Variants in TNFRSF1B observed in about 807,000 individuals in gnomAD.
TNFRSF1B encodes the protein tumor necrosis factor receptor superfamily member 1B.
A neutral mutation model predicts 44.6 loss-of-function variants in TNFRSF1B; 19 were observed. The ratio of observed to expected loss-of-function variants is 0.43; its 90% CI spans 0.30 to 0.62. TNFRSF1B has a LOEUF of 0.62. Ranked by LOEUF, TNFRSF1B falls within the 20% of genes least tolerant of loss-of-function variation. TNFRSF1B has a pLI of 0.16. For missense variants in TNFRSF1B, 541 were observed against 619.9 expected, an observed-to-expected ratio of 0.87 and a Z score of 1.35; for synonymous variants, 252 against 261.1, an observed-to-expected ratio of 0.97 and a Z score of 0.34.
intron 1 of TNFRSF1B, among the ~76,000 whole-genome samples, chr1:12,174,571 G>A (rs554674585): frequency 5.9e-4 from 90 of 152,308 alleles, no homozygotes; most frequent in African/African-American, 2.1e-3. Flanking sequence ...TGAAAAGTAG[G>A]AGGGGTTGGA....
chr1:12,205,788 A>ATT (rs3078840), intron 9 of TNFRSF1B, among the ~76,000 whole-genome samples: 10,079 of 147,572 alleles, frequency 0.068, 382 homozygotes, highest in African/African-American at 0.1. Context: ...TACCCGGCTA[A>ATT]TTTTTTTTTT....
chr1:12,202,898 T>A (rs752975720), intron 9 of TNFRSF1B, among the ~76,000 whole-genome samples: 1 of 152,198 alleles, frequency 6.6e-6, no homozygotes, highest in Non-Finnish European at 1.5e-5. Context: ...AATGAAGAAA[T>A]GGTGGCTCCA....
chr1:12,167,032 G>T lies in TNFRSF1B; in HGVS notation c.-60G>T. On this transcript the variant is annotated 5_prime_UTR_variant, in exon 1 of 10. Transcript: ENST00000376259. ...GCGCAGCGGAGCCTGGAGAGAAGGC[G>T]CTGGGCTGCGAGGGCGCGAGGGCGC... is the stretch of plus-strand genomic sequence containing the variant. The T allele has an allele frequency of 1.7e-6, 2 of 1,172,060 alleles. No homozygotes were observed. The highest frequency in any genetic ancestry group is 1.1e-6 in the Non-Finnish European group (1 of 921,828). The allele number at this position is 1,172,060 out of a possible 1,614,324, so 72.6% of individuals were successfully genotyped here.
rs766988651 is a variant in TNFRSF1B, at chr1:12,194,636, C to T, written c.900+18C>T. 1.2e-6 allele frequency: 2 copies of T among 1,613,756 alleles called. No homozygotes were observed. Among genetic ancestry groups the T allele is most frequent in the East Asian group, 2.2e-5 (1 of 44,896 alleles). On this transcript the variant is annotated intron_variant, in intron 8 of 9. Coordinates refer to ENST00000376259, the MANE Select transcript of TNFRSF1B (RefSeq NM_001066.3). Reference sequence around the variant, plus strand: ...CCAAGGTGGTGAGTGTCTCCACTGCCCTCTCCCCCTCTTCCCCTGGTCTCC... The same window carrying T: ...CCAAGGTGGTGAGTGTCTCCACTGCTCTCTCCCCCTCTTCCCCTGGTCTCC...
chr1:12,197,620 T>C (rs1256810150), intron 8 of TNFRSF1B, among the ~76,000 whole-genome samples: 1 of 152,154 alleles, frequency 6.6e-6, no homozygotes, highest in African/African-American at 2.4e-5. Context: ...ATTAGATCAT[T>C]AGGTGAGTGG....
chr1:12,203,277 C>T (rs1205532381), intron 9 of TNFRSF1B, among the ~76,000 whole-genome samples: 1 of 152,214 alleles, frequency 6.6e-6, no homozygotes, highest in African/African-American at 2.4e-5. Context: ...CTTGCCAGGG[C>T]TGGTGAGAGA....
chr1:12,169,292 C>T lies in TNFRSF1B; in HGVS notation c.78+2123C>T, dbSNP rs1638470278. On this transcript the variant is annotated intron_variant, in intron 1 of 9. Transcript: ENST00000376259. The surrounding 1 kb of genome is among the most constrained non-coding windows in gnomAD (Gnocchi z 4.5). The stretch of plus-strand genomic sequence containing the variant: ...TCCTCTTCCTTCTCATCAGTAGCAT[C>T]GCCATAGCTCCTGATTTCTGAACAC... Among the ~76,000 whole-genome samples, 2 of 152,176 alleles carry T rather than the reference C, an allele frequency of 1.3e-5. No homozygotes were observed. Among genetic ancestry groups the T allele is most frequent in the South Asian group, 4.1e-4 (2 of 4,828 alleles).
chr1:12,207,498 C>G lies in TNFRSF1B; in HGVS notation c.*478C>G, dbSNP rs5746068. The stretch of plus-strand genomic sequence containing the variant: ...ATGCTGCCTGAGTCACCCATGAAGA[C>G]AGGACAGTGCTTCAGCCTGAGGCTG... On this transcript the variant is annotated 3_prime_UTR_variant, in exon 10 of 10. Coordinates refer to ENST00000376259, the MANE Select transcript of TNFRSF1B (RefSeq NM_001066.3). 4,240 of 157,466 alleles carry G rather than the reference C, an allele frequency of 0.027. 222 individuals are homozygous for G. The highest frequency in any genetic ancestry group is 0.095 in the African/African-American group (3,941 of 41,676). 9.8% of individuals were successfully genotyped at this position (157,466 alleles called of 1,614,324 possible). A position where few individuals can be genotyped will look rare whatever the true frequency, so the allele number is the denominator to read the frequency against.
At chr1:12,170,985 T>G (rs1471689851) in intron 1 of TNFRSF1B, among the ~76,000 whole-genome samples, 1 of 150,926 alleles carries the variant, frequency 6.6e-6, no homozygotes. Context: ...CCGTTCTCAC[T>G]TCTTCTTCTT....
chr1:12,207,073 T>A lies in TNFRSF1B; in HGVS notation c.*53T>A. The A allele has an allele frequency of 1.3e-6, 2 of 1,511,176 alleles. No individual in the cohort carries two copies. Among genetic ancestry groups the A allele is most frequent in the Non-Finnish European group, 8.9e-7 (1 of 1,127,710 alleles). 93.6% of individuals were successfully genotyped at this position (1,511,176 alleles called of 1,614,324 possible). On this transcript the variant is annotated 3_prime_UTR_variant, in exon 10 of 10. Coordinates refer to ENST00000376259, the MANE Select transcript of TNFRSF1B (RefSeq NM_001066.3). ...CAAGGTGGGCTGAGCCCTGGCAGGA[T>A]GACCCTGCGAAGGGGCCCTGGTCCT...
At chr1:12,183,716 T>TTCTATCTAC (rs1638888502) in intron 1 of TNFRSF1B, among the ~76,000 whole-genome samples, 2 of 106,350 alleles carry the variant, frequency 1.9e-5, no homozygotes, top group Non-Finnish European at 4.3e-5. Flanking sequence ...ATCTATTCTA[T>TTCTATCTAC]CTACCTATCT....
intron 9 of TNFRSF1B, among the ~76,000 whole-genome samples, chr1:12,202,709 A>G (rs1254157653): frequency 2.6e-5 from 4 of 152,234 alleles, no homozygotes; most frequent in African/African-American, 4.8e-5. Context: ...CTTTACATGC[A>G]TAAAACTGAC....
At chr1:12,200,884 G>T (rs1016064341) in intron 8 of TNFRSF1B, among the ~76,000 whole-genome samples, 1 of 152,058 alleles carries the variant, frequency 6.6e-6, no homozygotes, top group Non-Finnish European at 1.5e-5. Context: ...GCCTCCCAAA[G>T]TGTTGGGATT....
rs567288973 is a variant in TNFRSF1B, at chr1:12,209,155, A to C, written c.*2135A>C. 1.2e-3 allele frequency: 190 copies of C among 152,218 alleles called. 1 individual carries two copies. Among genetic ancestry groups the C allele is most frequent in the African/African-American group, 4.4e-3 (183 of 41,488 alleles). 9.4% of individuals were successfully genotyped at this position (152,218 alleles called of 1,614,324 possible). ...CCCTTGTGTGTGTGTGTTGATCCCA[A>C]GACAATGAAAGTTTGCACTGTATGC... On this transcript the variant is annotated 3_prime_UTR_variant, in exon 10 of 10. Coordinates refer to ENST00000376259, the MANE Select transcript of TNFRSF1B (RefSeq NM_001066.3).
chr1:12,191,531 CGACTGCGGGGGACGAGCAG>C (rs1557634033), intron 3 of TNFRSF1B, among the ~76,000 whole-genome samples: 1 of 145,140 alleles, frequency 6.9e-6, no homozygotes, highest in African/African-American at 2.6e-5. Context: ...GGGACGAGCG[CGACTGCGGGGGACGAGCAG>C]GACTGCGGAG....
chr1:12,200,300 G>C (rs1375673577), intron 8 of TNFRSF1B, among the ~76,000 whole-genome samples: 1 of 152,030 alleles, frequency 6.6e-6, no homozygotes, highest in East Asian at 1.9e-4. Flanking sequence ...GACATCAGGG[G>C]AAGTTGCAGA....
intron 8 of TNFRSF1B, among the ~76,000 whole-genome samples, chr1:12,200,292 C>G (rs1004208219): frequency 3.3e-5 from 5 of 151,988 alleles, no homozygotes; most frequent in Admixed American, 2.0e-4. Flanking sequence ...GGGAAGAAGA[C>G]ATCAGGGGAA....
rs1639103675 is a variant in TNFRSF1B, at chr1:12,190,959, C to A, written c.181C>A (p.Gln61Lys). 6.2e-7 allele frequency: 1 copy of A among 1,613,630 alleles called. No individual in the cohort carries two copies. Among genetic ancestry groups the A allele is most frequent in the Non-Finnish European group, 8.5e-7 (1 of 1,179,740 alleles). Residue 61 changes from glutamine to lysine, a missense_variant and splice_region_variant, in exon 3 of 10, where the codon CAA becomes AAA. Physicochemically the swap from Gln to Lys is moderately conservative, Grantham distance 53 (BLOSUM62 1). Transcript: ENST00000376259. ...ACCTCTGGCCCTTGTTTCCTCAGGC[C>A]AACATGCAAAAGTCTTCTGTACCAA... is the stretch of plus-strand genomic sequence containing the variant. ...QMCCSKCSPG[Q>K]HAKVFCTKTS...
intron 1 of TNFRSF1B, among the ~76,000 whole-genome samples, chr1:12,174,036 G>T (rs1638578658): frequency 6.6e-6 from 1 of 152,136 alleles, no homozygotes; most frequent in Non-Finnish European, 1.5e-5. Flanking sequence ...TGTTGGCGGC[G>T]CATCCCAGGG....
Sources: gnomAD v4.1 joint callset for allele counts (sites outside exome capture counted in the v4.1 genomes callset) on GRCh38, gnomAD v4.1.1 for gene constraint, Gnocchi (gnomAD v3.1) non-coding constraint, MANE v1.5 for transcripts, NCBI Gene and HGNC (gene_info 2026-07-23, HGNC 2026-07-21) for gene names.